Variants in CEP97 observed in about 807,000 individuals in gnomAD.
CEP97 encodes centrosomal protein of 97 kDa.
In CEP97, 43 loss-of-function variants were observed where a neutral mutation model predicts 73.1. That is an observed-to-expected ratio of 0.59 (90% CI 0.46 to 0.76). The LOEUF (loss-of-function observed/expected upper bound fraction) is 0.76. Ranked by LOEUF, CEP97 falls within the 30% of genes least tolerant of loss-of-function variation. The pLI is 0.00. For missense variants in CEP97, 939 were observed against 1,014.0 expected (o/e 0.93, Z 1.00); for synonymous variants, 337 against 370.0 (o/e 0.91, Z 1.02).
At chr3:101,745,373 G>C (rs1371290556) in intron 6 of CEP97, among the ~76,000 whole-genome samples, 1 of 152,102 alleles carries the variant, frequency 6.6e-6, no homozygotes, top group East Asian at 1.9e-4. Flanking sequence ...CGATTCTTCT[G>C]CTTCAGCCTC....
chr3:101,724,952 G>T (rs112269712), intron 1 of CEP97, among the ~76,000 whole-genome samples: 1 of 152,344 alleles, frequency 6.6e-6, no homozygotes, highest in South Asian at 2.1e-4. Flanking sequence ...AGAAGCCTTC[G>T]CGCGGCCCGG....
chr3:101,746,574 C>G (rs575450543), intron 6 of CEP97, among the ~76,000 whole-genome samples: 7,007 of 149,676 alleles, frequency 0.047, 489 homozygotes, highest in African/African-American at 0.17. Context: ...CCATAAAAAC[C>G]CTAGAAGAAA....
rs1479004798 is a variant in CEP97, at chr3:101,749,966, G to A, written c.729-5464G>A. ...AGGTTGCCTGTTCACTGTGATGGTA[G>A]TTTCTTTTGCTGTGCAGAAGCTCTT... On this transcript the variant is annotated intron_variant, in intron 6 of 10. Coordinates refer to ENST00000341893, the MANE Select transcript of CEP97 (RefSeq NM_024548.4). 2.0e-5 allele frequency among the ~76,000 whole-genome samples: 3 copies of A among 151,508 alleles called. No individual in the cohort carries two copies. The East Asian group carries it at 5.8e-4, about 29-fold the overall frequency.
intron 10 of CEP97, among the ~76,000 whole-genome samples, chr3:101,763,461 GC>G (rs1170747530): frequency 1.3e-5 from 2 of 150,976 alleles, no homozygotes; most frequent in Non-Finnish European, 2.9e-5. Flanking sequence ...TCCTTCTGCT[GC>G]AACCTCCCAA....
rs1939278315 is a variant in CEP97, at chr3:101,765,126, A to T, written c.2173A>T (p.Thr725Ser). The change falls in exon 11 of 11, where the codon ACA becomes TCA. Residue 725 changes from threonine to serine, a missense_variant. Physicochemically the swap from Thr to Ser is moderately conservative, Grantham distance 58. Coordinates refer to ENST00000341893, the MANE Select transcript of CEP97 (RefSeq NM_024548.4). ...TTCTTTGGATTTTGAGAAAAGTTCC[A>T]CAGAAGGCAGTGAAAGCTCCATAAT... ...QHSLDFEKSS[T>S]EGSESSIMGN... 6.2e-7 allele frequency: 1 copy of T among 1,614,096 alleles called. No individual in the cohort carries two copies. Among genetic ancestry groups the T allele is most frequent in the Admixed American group, 1.7e-5 (1 of 60,012 alleles).
chr3:101,728,997 T>C (rs1560007643), intron 4 of CEP97, 60 bp downstream of exon 4: 1 of 966,242 alleles, frequency 1.0e-6, no homozygotes, highest in Non-Finnish European at 1.7e-6. Flanking sequence ...GAGAAAGTAA[T>C]CTTACTGACC....
At position 101,752,723 on chromosome 3, in the gene CEP97, G is replaced by A. The variant is rs984616934; in HGVS notation, c.729-2707G>A. Reference sequence around the variant, plus strand: ...CTTCTGCATTCTTCACGTAGTTCTCGAGCCTTGGCTTTCAGCTCCATCAGC... The same window carrying A: ...CTTCTGCATTCTTCACGTAGTTCTCAAGCCTTGGCTTTCAGCTCCATCAGC... On this transcript the variant is annotated intron_variant, in intron 6 of 10. Coordinates refer to ENST00000341893, the MANE Select transcript of CEP97 (RefSeq NM_024548.4). Among the ~76,000 whole-genome samples the A allele has an allele frequency of 8.3e-4, 127 of 152,148 alleles. 1 individual carries two copies. Among genetic ancestry groups the A allele is most frequent in the African/African-American group, 2.7e-3 (112 of 41,466 alleles).
chr3:101,756,501 C>G (rs1371696735), intron 7 of CEP97, among the ~76,000 whole-genome samples: 1 of 151,790 alleles, frequency 6.6e-6, no homozygotes, highest in African/African-American at 2.4e-5. Context: ...CAGTCCGTGC[C>G]TGTAGCTGGG....
In CEP97 at chr3:101,726,725, C is replaced by T. The variant is rs1203836551; in HGVS notation, c.175C>T (p.Arg59Ter). The T allele has an allele frequency of 1.9e-6, 3 of 1,601,400 alleles. No individual in the cohort carries two copies. Among genetic ancestry groups the T allele is most frequent in the East Asian group, 2.2e-5 (1 of 44,654 alleles). ...ATTGGAAAATCTGGAGAAATGCAAA[C>T]GATTAATACAGGTAGGTATTGCAAT... ...IKLENLEKCK[R>*]LIQLSVANNR... The change falls in exon 2 of 11, where the codon CGA becomes TGA. Residue 59 changes from arginine (R) to a stop codon, truncating the protein, a stop_gained. Transcript: ENST00000341893. LOFTEE classifies it high-confidence loss of function.
chr3:101,741,780 G>A (rs904082993), intron 6 of CEP97, among the ~76,000 whole-genome samples: 111 of 152,192 alleles, frequency 7.3e-4, no homozygotes, highest in African/African-American at 2.6e-3. Context: ...GGTGGCTCAC[G>A]CCTGTAATCC....
intron 6 of CEP97, among the ~76,000 whole-genome samples, chr3:101,740,751 G>A (rs895863240): frequency 6.6e-6 from 1 of 152,084 alleles, no homozygotes; most frequent in Admixed American, 6.5e-5. Flanking sequence ...CACCACGCCT[G>A]GCTAATTTTG....
chr3:101,725,794 G>A (rs928427153), intron 1 of CEP97, among the ~76,000 whole-genome samples: 1 of 151,932 alleles, frequency 6.6e-6, no homozygotes, highest in African/African-American at 2.4e-5. Flanking sequence ...AAGCCCACCA[G>A]GGCTACTTAA....
chr3:101,744,138 T>C (rs945301034), intron 6 of CEP97, among the ~76,000 whole-genome samples: 5 of 152,190 alleles, frequency 3.3e-5, no homozygotes, highest in Middle Eastern at 3.4e-3. Context: ...AATGTACATA[T>C]ATACTTTGTT....
intron 4 of CEP97, among the ~76,000 whole-genome samples, chr3:101,729,987 G>A (rs557150400): frequency 2.6e-5 from 4 of 152,110 alleles, no homozygotes; most frequent in African/African-American, 9.6e-5. Flanking sequence ...TGTATTTTTA[G>A]TAGAGACAGG....
intron 6 of CEP97, among the ~76,000 whole-genome samples, chr3:101,740,359 A>T (rs531787171): frequency 6.6e-6 from 1 of 152,332 alleles, no homozygotes; most frequent in African/African-American, 2.4e-5. Flanking sequence ...GTGAACTTCC[A>T]TTCACAATTG....
At chr3:101,727,573 T>C in intron 3 of CEP97, 32 bp downstream of exon 3, 1 of 1,553,784 alleles carries the variant, frequency 6.4e-7, no homozygotes, top group Non-Finnish European at 8.7e-7. Flanking sequence ...TACAAAACTA[T>C]TCTGCGTAAA....
At chr3:101,745,923 A>C (rs997510926) in intron 6 of CEP97, among the ~76,000 whole-genome samples, 3 of 151,870 alleles carry the variant, frequency 2.0e-5, no homozygotes, top group Non-Finnish European at 1.5e-5. Flanking sequence ...ACCCCACAAC[A>C]GTCCCCAGAG....
In CEP97 at chr3:101,724,700, G is replaced by C. The variant is rs1460315052; in HGVS notation, c.24G>C (p.Ala8=). The C allele has an allele frequency of 1.2e-6, 2 of 1,614,186 alleles. No individual in the cohort carries two copies. Among genetic ancestry groups the C allele is most frequent in the Admixed American group, 3.3e-5 (2 of 60,026 alleles). MAVARVD[A]ALPPGEGSVV... ...ATATGGCGGTGGCGCGCGTGGACGC[G>C]GCTTTGCCTCCCGGAGAAGGTAAGG... The change falls in exon 1 of 11, where the codon GCG becomes GCC. Residue 8 remains alanine, a synonymous_variant. Coordinates refer to ENST00000341893, the MANE Select transcript of CEP97 (RefSeq NM_024548.4).
At chr3:101,728,451 AC>A (rs1480870294) in intron 3 of CEP97, among the ~76,000 whole-genome samples, 1 of 151,894 alleles carries the variant, frequency 6.6e-6, no homozygotes, top group African/African-American at 2.4e-5. Flanking sequence ...TTTAGTAGAG[AC>A]AGGGTTTCGC....
Sources: gnomAD v4.1 joint callset for allele counts (sites outside exome capture counted in the v4.1 genomes callset) on GRCh38, gnomAD v4.1.1 for gene constraint, MANE v1.5 for transcripts, NCBI Gene and HGNC (gene_info 2026-07-23, HGNC 2026-07-21) for gene names.